Variants in CFAP92 observed in about 807,000 individuals in gnomAD.
CFAP92 encodes the protein uncharacterized protein CFAP92.
In CFAP92, 86 loss-of-function variants were observed where a neutral mutation model predicts 106.3. That is an observed-to-expected ratio of 0.81 (90% CI 0.68 to 0.97). The LOEUF is 0.97. Among genes scored for constraint, CFAP92 ranks in the 50% least tolerant of loss-of-function variants. CFAP92 has a pLI of 0.00. For missense variants in CFAP92, 1,204 were observed against 1,283.8 expected (o/e 0.94, Z 0.95); for synonymous variants, 477 against 506.4 (o/e 0.94, Z 0.78).
In CFAP92 at chr3:128,988,864, G is replaced by T; in HGVS notation, c.317C>A (p.Thr106Lys). The stretch of plus-strand genomic sequence containing the variant: ...ACGCATCTTTGTAACAGAACTGTCT[G>T]TTTTAGGGTGTTTCTTATATTTTTC... ...LIEKYKKHPKTDSSVTKMRRF... is the reference protein window; with the variant it reads ...LIEKYKKHPKKDSSVTKMRRF... Residue 106 changes from threonine (T) to lysine (K), a missense_variant, in exon 3 of 16, where the codon ACA becomes AAA. Coordinates refer to ENST00000645291, the MANE Select transcript of CFAP92 (RefSeq NM_001394090.1). The T allele has an allele frequency of 6.2e-7, 1 of 1,613,770 alleles. No individual in the cohort carries two copies. The highest frequency in any genetic ancestry group is 8.5e-7 in the Non-Finnish European group (1 of 1,179,704).
chr3:129,016,432 G>C, the CFAP92 span, among the ~76,000 whole-genome samples: 1 of 152,014 alleles, frequency 6.6e-6, no homozygotes, highest in African/African-American at 2.4e-5. Flanking sequence ...GTGATTGTGG[G>C]GGCTGGCTAA....
chr3:128,955,650 A>G (rs200251970), intron 9 of CFAP92, among the ~76,000 whole-genome samples: 29 of 46,762 alleles, frequency 6.2e-4, no homozygotes, highest in South Asian at 2.9e-3. Context: ...CCCTCTGCCC[A>G]GCCACCACCC....
At chr3:129,001,646 G>A in intron 1 of CFAP92, 1 of 1,387,942 alleles carries the variant, frequency 7.2e-7, no homozygotes, top group Non-Finnish European at 9.3e-7. Flanking sequence ...CGGTCAGCAC[G>A]GGCGCGGAGG....
chr3:129,015,832 G>T, the CFAP92 span, among the ~76,000 whole-genome samples: 1 of 149,284 alleles, frequency 6.7e-6, no homozygotes, highest in Non-Finnish European at 1.5e-5. Flanking sequence ...TTCACATGTT[G>T]CTCTCTGTTT....
In CFAP92 at chr3:128,935,214, G is replaced by A. The variant is rs551867605; in HGVS notation, c.2364C>T (p.His788=). Reference sequence around the variant, plus strand: ...GCAGCAGCTCCGTGGGCTGGAAGAGGTGCACGTGGTACAGGATGGCCTCCA... The same window carrying A: ...GCAGCAGCTCCGTGGGCTGGAAGAGATGCACGTGGTACAGGATGGCCTCCA... ...GDLEAILYHV[H]LFQPTELLLQ... Residue 788 remains histidine, a synonymous_variant, in exon 11 of 16, where the codon CAC becomes CAT. Transcript: ENST00000645291. 2.2e-5 allele frequency: 34 copies of A among 1,536,100 alleles called. No individual in the cohort carries two copies. In the South Asian group the frequency reaches 3.0e-4, roughly 13 times the overall value.
At chr3:129,010,616 T>G in the CFAP92 span, among the ~76,000 whole-genome samples, 3 of 150,676 alleles carry the variant, frequency 2.0e-5, no homozygotes, top group South Asian at 6.4e-4. This position sits in a 1 kb window ranked among gnomAD's most constrained non-coding sequence, Gnocchi z 4.3. Flanking sequence ...GCCCCATTGC[T>G]GCTGCCTGGC....
intron 7 of CFAP92, among the ~76,000 whole-genome samples, chr3:128,974,267 T>C (rs1943002558): frequency 1.3e-5 from 2 of 152,168 alleles, no homozygotes; most frequent in Admixed American, 6.5e-5. Context: ...AAATGATCTG[T>C]AGCAATTATA....
chr3:129,024,069 T>C, the CFAP92 span, among the ~76,000 whole-genome samples: 3 of 152,206 alleles, frequency 2.0e-5, no homozygotes, highest in African/African-American at 4.8e-5. Context: ...CAAACCTTCA[T>C]TGGGCCACTC....
chr3:128,991,737 G>C, intron 2 of CFAP92: 1 of 1,016,984 alleles, frequency 9.8e-7, no homozygotes, highest in Non-Finnish European at 1.2e-6. Flanking sequence ...ACACCGCCTC[G>C]TGTTGTCTGT....
chr3:128,993,893 G>T (rs1190204600), intron 1 of CFAP92, 87 bp downstream of exon 1: 6 of 922,934 alleles, frequency 6.5e-6, no homozygotes, highest in East Asian at 2.3e-4. Context: ...GAGGGAACAC[G>T]CATCGAGGCG....
intron 9 of CFAP92, among the ~76,000 whole-genome samples, chr3:128,961,127 A>G (rs1006387525): frequency 8.4e-4 from 128 of 152,238 alleles, no homozygotes; most frequent in African/African-American, 3.0e-3. Flanking sequence ...ATACAAACTC[A>G]ACAGTAGTTC....
At chr3:129,001,627 C>G (rs1284347482) in intron 1 of CFAP92, 15 of 1,357,482 alleles carry the variant, frequency 1.1e-5, no homozygotes, top group Non-Finnish European at 1.3e-5. Context: ...CGCGGCGCAG[C>G]GATGGAGCCG....
At chr3:129,015,419 C>T in the CFAP92 span, among the ~76,000 whole-genome samples, 4 of 151,330 alleles carry the variant, frequency 2.6e-5, no homozygotes, top group Non-Finnish European at 5.9e-5. Flanking sequence ...TCTGCTCCTT[C>T]GGGGGGGGAG....
chr3:129,004,097 C>T (rs1320664488), upstream of CFAP92: 7 of 1,474,920 alleles, frequency 4.7e-6, no homozygotes, highest in Non-Finnish European at 6.3e-6. Context: ...GGCGCGTGCC[C>T]TGGGCCCAAG....
Position 128,935,136 on chromosome 3 carries a change from C to G in CFAP92, c.2442G>C (p.Gln814His). Residue 814 changes from glutamine (Q) to histidine (H), a missense_variant, in exon 11 of 16, where the codon CAG becomes CAC. Transcript: ENST00000645291. ...LRDTERRRVF[Q>H]ALARIHDICY... ...CTGCCACTGCCCACCTGGCTAGAGC[C>G]TGGAAGACCCGCCTCCGCTCAGTGT... The G allele has an allele frequency of 6.5e-7, 1 of 1,527,714 alleles. No individual in the cohort carries two copies. The highest frequency in any genetic ancestry group is 8.8e-7 in the Non-Finnish European group (1 of 1,141,650). The allele number at this position is 1,527,714 out of a possible 1,614,324, so 94.6% of individuals were successfully genotyped here.
the CFAP92 span, among the ~76,000 whole-genome samples, chr3:129,024,705 G>A: frequency 6.6e-6 from 1 of 152,096 alleles, no homozygotes; most frequent in East Asian, 1.9e-4. Context: ...TCCTGTATCT[G>A]GAGCCCACTC....
At chr3:129,003,736 C>T, upstream of CFAP92, 1 of 1,294,506 alleles carries the variant, frequency 7.7e-7, no homozygotes, top group South Asian at 1.8e-5. Flanking sequence ...GGCGGGCGTT[C>T]GTCTGGTGCA....
intron 10 of CFAP92, among the ~76,000 whole-genome samples, chr3:128,943,920 G>GTT (rs768570835): frequency 0.05 from 5,446 of 109,656 alleles, 180 homozygotes; most frequent in African/African-American, 0.074. Context: ...TATTTCCCCC[G>GTT]TTTTTTTTTT....
intron 10 of CFAP92, among the ~76,000 whole-genome samples, chr3:128,937,366 A>T (rs561166084): frequency 6.6e-6 from 1 of 151,652 alleles, no homozygotes; most frequent in Non-Finnish European, 1.5e-5. Flanking sequence ...TAATCCCAGT[A>T]CTATGGGAGG....
Sources: gnomAD v4.1 joint callset for allele counts (sites outside exome capture counted in the v4.1 genomes callset) on GRCh38, gnomAD v4.1.1 for gene constraint, Gnocchi (gnomAD v3.1) non-coding constraint, MANE v1.5 for transcripts, NCBI Gene and HGNC (gene_info 2026-07-23, HGNC 2026-07-21) for gene names.